TNNI3K: variants seen among roughly 807,000 people sequenced by gnomAD.
TNNI3K encodes the protein serine/threonine-protein kinase TNNI3K.
TNNI3K carries 140 observed loss-of-function variants against 114.5 expected under a neutral mutation model. The observed-to-expected ratio is 1.22, with a 90% CI of 1.07 to 1.41. TNNI3K has a LOEUF of 1.41. Among genes scored for constraint, TNNI3K ranks in the 40% most tolerant of loss-of-function variants. The probability of loss-of-function intolerance (pLI) is 0.00; values close to 1 mark genes in which losing one functional copy is unlikely to be tolerated. For synonymous variants in TNNI3K, 347 were observed against 347.5 expected, an observed-to-expected ratio of 1.00 and a Z score of 0.02; for missense variants, 1,125 against 1,007.6, an observed-to-expected ratio of 1.12 and a Z score of -1.58.
chr1:74,413,963 TA>T (rs1665004846), intron 17 of TNNI3K, among the ~76,000 whole-genome samples: 1 of 152,144 alleles, frequency 6.6e-6, no homozygotes, highest in African/African-American at 2.4e-5. Flanking sequence ...TCACAACGAG[TA>T]CATCATTTTC....
chr1:74,336,138 G>C lies in TNNI3K; in HGVS notation c.671G>C (p.Ser224Thr). ...GCAAAACTCTTGATGGAAGAAGGCA[G>C]CAAAGCAGATGGTAAGATTATATAT... ...NIAKLLMEEG[S>T]KADVNAQDNE... Residue 224 changes from serine to threonine, a missense_variant, in exon 7 of 25, where the codon AGC (serine) becomes ACC (threonine). Coordinates refer to ENST00000326637, the MANE Select transcript of TNNI3K (RefSeq NM_015978.3). The C allele has an allele frequency of 6.2e-7, 1 of 1,601,776 alleles. No homozygotes were observed. Among genetic ancestry groups the C allele is most frequent in the Non-Finnish European group, 8.5e-7 (1 of 1,176,608 alleles).
At chr1:74,359,004 T>G (rs1183629075) in intron 11 of TNNI3K, among the ~76,000 whole-genome samples, 2 of 151,968 alleles carry the variant, frequency 1.3e-5, no homozygotes, top group Non-Finnish European at 2.9e-5. Flanking sequence ...GATAAAGAGA[T>G]TAAGACTTAG....
chr1:74,284,704 A>G (rs1281817540), intron 5 of TNNI3K, among the ~76,000 whole-genome samples: 1 of 152,202 alleles, frequency 6.6e-6, no homozygotes, highest in Non-Finnish European at 1.5e-5. Context: ...TCAGGTTACT[A>G]ACTAACCCAT....
intron 21 of TNNI3K, among the ~76,000 whole-genome samples, chr1:74,474,553 G>A (rs1668097809): frequency 6.6e-6 from 1 of 152,152 alleles, no homozygotes; most frequent in African/African-American, 2.4e-5. Flanking sequence ...TCTGCTTGTT[G>A]TGAACCAATT....
chr1:74,366,029 T>C (rs1262356040), intron 11 of TNNI3K, among the ~76,000 whole-genome samples: 1 of 151,990 alleles, frequency 6.6e-6, no homozygotes, highest in Non-Finnish European at 1.5e-5. Context: ...CCATGATTTT[T>C]CCACCTCATG....
chr1:74,279,396 T>C (rs1391807307), intron 5 of TNNI3K, among the ~76,000 whole-genome samples: 1 of 152,220 alleles, frequency 6.6e-6, no homozygotes, highest in Non-Finnish European at 1.5e-5. Context: ...CAAAGTCTGA[T>C]TTATTGATTA....
At chr1:74,318,167 A>C (rs116211206) in intron 5 of TNNI3K, among the ~76,000 whole-genome samples, 340 of 152,274 alleles carry the variant, frequency 2.2e-3, no homozygotes, top group African/African-American at 7.9e-3. Context: ...GTCCAATTTC[A>C]TTTGTTGAAA....
chr1:74,235,719 A>G (rs1653808108), intron 1 of TNNI3K, among the ~76,000 whole-genome samples: 1 of 151,454 alleles, frequency 6.6e-6, no homozygotes, highest in Non-Finnish European at 1.5e-5. Context: ...CCTTGGTATA[A>G]TGTTACAGAA....
intron 5 of TNNI3K, among the ~76,000 whole-genome samples, chr1:74,321,731 A>G (rs1456679641): frequency 1.3e-5 from 2 of 152,002 alleles, no homozygotes; most frequent in African/African-American, 4.8e-5. Flanking sequence ...TTAAGATCCA[A>G]TTTAATTTTA....
chr1:74,471,864 C>T, intron 21 of TNNI3K: 1 of 452,346 alleles, frequency 2.2e-6, no homozygotes, highest in East Asian at 3.4e-5. Context: ...TCTTTTCTTT[C>T]ATGTAATCTT....
chr1:74,475,588 A>G (rs1262692215), intron 21 of TNNI3K: 2 of 717,334 alleles, frequency 2.8e-6, no homozygotes, highest in Non-Finnish European at 5.2e-6. Context: ...TAAAAGTGGC[A>G]TTTCTTTTCT....
At chr1:74,387,593 T>C (rs1458144012) in intron 17 of TNNI3K, among the ~76,000 whole-genome samples, 2 of 152,178 alleles carry the variant, frequency 1.3e-5, no homozygotes, top group African/African-American at 2.4e-5. Flanking sequence ...ACCATGAGCT[T>C]TGGTCAACAA....
rs1646758023 is a variant in TNNI3K at position 74,543,946 on chromosome 1, T to A, written c.2472T>A (p.Ser824=). 6.2e-7 allele frequency: 1 copy of A among 1,613,358 alleles called. No homozygotes were observed. ...SDPMSSMHFH[S]CRNSSSFEDS... ...CCATGAGCTCAATGCATTTTCATTC[T>A]TGCCGAAATAGTAGCAGCTTTGAGG... Residue 824 remains serine, a synonymous_variant, in exon 25 of 25, where the codon TCT becomes TCA. Transcript: ENST00000326637.
intron 23 of TNNI3K, among the ~76,000 whole-genome samples, chr1:74,531,003 C>T (rs144009065): frequency 3.3e-5 from 5 of 152,270 alleles, no homozygotes; most frequent in African/African-American, 1.2e-4. Flanking sequence ...TAATTCTTTG[C>T]CTAATTGCTT....
At chr1:74,382,989 G>C (rs1230175935) in intron 17 of TNNI3K, among the ~76,000 whole-genome samples, 1 of 152,086 alleles carries the variant, frequency 6.6e-6, no homozygotes, top group Non-Finnish European at 1.5e-5. Context: ...CTGAAAGACA[G>C]CCTCTGGCAG....
intron 5 of TNNI3K, among the ~76,000 whole-genome samples, chr1:74,277,756 T>C (rs1001940430): frequency 5.3e-5 from 8 of 152,198 alleles, no homozygotes; most frequent in African/African-American, 1.9e-4. Context: ...TAAACCAATG[T>C]GTAATGTATA....
chr1:74,244,547 G>C (rs1254197989), intron 2 of TNNI3K, among the ~76,000 whole-genome samples: 3 of 150,990 alleles, frequency 2.0e-5, no homozygotes, highest in African/African-American at 4.9e-5. Context: ...TGTATTTTCT[G>C]TTTATTCCAT....
At position 74,491,437 on chromosome 1, in the gene TNNI3K, T is replaced by C. The variant is rs562832903; in HGVS notation, c.2182-660T>C. On this transcript the variant is annotated intron_variant, in intron 22 of 24. Transcript: ENST00000326637. The stretch of plus-strand genomic sequence containing the variant: ...GTTTCACCATGTTGACCAGATGGTG[T>C]CGATCTGTTGACCAGGATGGTGTCG... Among the ~76,000 whole-genome samples, 3 of 152,192 alleles carry C rather than the reference T, an allele frequency of 2.0e-5. No individual in the cohort carries two copies. The East Asian group carries it at 5.8e-4, about 29-fold the overall frequency.
At chr1:74,384,253 T>A (rs554031718) in intron 17 of TNNI3K, among the ~76,000 whole-genome samples, 3 of 152,294 alleles carry the variant, frequency 2.0e-5, no homozygotes, top group Non-Finnish European at 4.4e-5. Flanking sequence ...ATTCCACAAG[T>A]CACTTCTCTG....
Sources: gnomAD v4.1 joint callset for allele counts (sites outside exome capture counted in the v4.1 genomes callset) on GRCh38, gnomAD v4.1.1 for gene constraint, MANE v1.5 for transcripts, NCBI Gene and HGNC (gene_info 2026-07-23, HGNC 2026-07-21) for gene names.